AKAP10: variants seen among roughly 807,000 people sequenced by gnomAD.
AKAP10 encodes A-kinase anchoring protein 10.
A neutral mutation model predicts 80.8 loss-of-function variants in AKAP10; 24 were observed. The ratio of observed to expected loss-of-function variants is 0.30; its 90% CI spans 0.22 to 0.42. The LOEUF is 0.42. Ranked by LOEUF, AKAP10 falls within the 10% of genes least tolerant of loss-of-function variation. The pLI is 1.00. For missense variants in AKAP10, 661 were observed against 794.9 expected (o/e 0.83, Z 2.03); for synonymous variants, 291 against 277.7 (o/e 1.05, Z -0.48).
chr17:19,959,104 C>T (rs1567773461), intron 3 of AKAP10, among the ~76,000 whole-genome samples: 1 of 152,028 alleles, frequency 6.6e-6, no homozygotes, highest in South Asian at 2.1e-4. Context: ...CCACCCACCT[C>T]GGCCTCCCAA....
At chr17:19,935,445 T>C (rs968620947) in intron 9 of AKAP10, among the ~76,000 whole-genome samples, 14 of 152,190 alleles carry the variant, frequency 9.2e-5, no homozygotes, top group South Asian at 8.3e-4. Context: ...ACTAAATTTA[T>C]TTAAAATTTT....
chr17:19,912,248 C>T (rs1464250639), intron 12 of AKAP10, among the ~76,000 whole-genome samples: 1 of 152,170 alleles, frequency 6.6e-6, no homozygotes, highest in Non-Finnish European at 1.5e-5. Context: ...AACCCCGTCT[C>T]TACTAAAAAT....
rs184410409 is a variant in AKAP10 at position 19,914,730 on chromosome 17, C to T, written c.1835-4752G>A. Among the ~76,000 whole-genome samples the T allele has an allele frequency of 2.2e-3, 340 of 151,826 alleles. 1 individual carries two copies. Among genetic ancestry groups the T allele is most frequent in the African/African-American group, 7.5e-3 (310 of 41,420 alleles). On this transcript the variant is annotated intron_variant, in intron 12 of 14. Transcript: ENST00000225737. Reference sequence around the variant, plus strand: ...TTAGATCATCGGAGTTGGGAAGGTCCCTCTCTGAAGAGATAATATTGAGAT... The same window carrying T: ...TTAGATCATCGGAGTTGGGAAGGTCTCTCTCTGAAGAGATAATATTGAGAT...
intron 10 of AKAP10, among the ~76,000 whole-genome samples, chr17:19,926,251 C>A (rs888827866): frequency 6.9e-6 from 1 of 144,836 alleles, no homozygotes; most frequent in Non-Finnish European, 1.5e-5. Context: ...AAGAACATGA[C>A]AATATTCAAC....
intron 12 of AKAP10, 61 bp downstream of exon 12, chr17:19,919,975 A>G: frequency 1.4e-6 from 2 of 1,408,170 alleles, no homozygotes; most frequent in Non-Finnish European, 2.0e-6. Flanking sequence ...GTGGTCTTTG[A>G]CTTACAGTCA....
chr17:19,972,845 G>A (rs1343274276), intron 1 of AKAP10, among the ~76,000 whole-genome samples: 1 of 152,178 alleles, frequency 6.6e-6, no homozygotes, highest in Admixed American at 6.5e-5. Context: ...CCTATCCTGA[G>A]ATCAGGATTG....
intron 1 of AKAP10, among the ~76,000 whole-genome samples, 164 bp downstream of exon 1, chr17:19,977,428 A>G (rs1158126447): frequency 6.6e-6 from 1 of 152,220 alleles, no homozygotes; most frequent in African/African-American, 2.4e-5. Flanking sequence ...TCTCCCTCCC[A>G]GAAGAGTCCC....
rs141701781 is a variant in AKAP10 at position 19,935,941 on chromosome 17, AT to A, written c.1467+344del. ...ACAGAGATTTTTCAGCTCCATTATA[AT>A]TTTTTTTGTTTTGTTCTTGGTTATT... is the stretch of plus-strand genomic sequence containing the variant. On this transcript the variant is annotated intron_variant, in intron 9 of 14. Transcript: ENST00000225737. 502 of 167,354 alleles carry A rather than the reference AT, an allele frequency of 3.0e-3. 20 individuals are homozygous for A. The East Asian group carries it at 0.078, about 26-fold the overall frequency. The allele number at this position is 167,354 out of a possible 1,614,324, so 10.4% of individuals were successfully genotyped here. A position where few individuals can be genotyped will look rare whatever the true frequency, so the allele number is the denominator to read the frequency against.
intron 8 of AKAP10, among the ~76,000 whole-genome samples, chr17:19,937,930 T>A (rs1057450411): frequency 6.6e-6 from 1 of 150,798 alleles, no homozygotes; most frequent in African/African-American, 2.4e-5. Context: ...TGGTCACACC[T>A]CAAACCTGCA....
At chr17:19,948,184 T>C (rs2043156488) in intron 4 of AKAP10, among the ~76,000 whole-genome samples, 1 of 152,158 alleles carries the variant, frequency 6.6e-6, no homozygotes, top group African/African-American at 2.4e-5. Context: ...TCCCATGGAA[T>C]GCAACTCAAA....
At chr17:19,916,377 A>G (rs979395010) in intron 12 of AKAP10, among the ~76,000 whole-genome samples, 1 of 152,196 alleles carries the variant, frequency 6.6e-6, no homozygotes, top group African/African-American at 2.4e-5. Flanking sequence ...ATAGATGCAT[A>G]CAGTAGGCAC....
intron 12 of AKAP10, among the ~76,000 whole-genome samples, chr17:19,910,339 A>AAAAAAACAAAC (rs1425341451): frequency 1.3e-5 from 2 of 151,506 alleles, no homozygotes; most frequent in African/African-American, 4.9e-5. Flanking sequence ...AAAAAAAAAA[A>AAAAAAACAAAC]AAACCACTAT....
chr17:19,938,663 G>A (rs1444358169), intron 8 of AKAP10, among the ~76,000 whole-genome samples: 1 of 151,930 alleles, frequency 6.6e-6, no homozygotes, highest in Non-Finnish European at 1.5e-5. Flanking sequence ...AACATCTGTG[G>A]ACTTTTCTCT....
intron 10 of AKAP10, among the ~76,000 whole-genome samples, 172 bp downstream of exon 10, chr17:19,931,633 C>T (rs1211542186): frequency 2.0e-5 from 3 of 151,922 alleles, no homozygotes; most frequent in Non-Finnish European, 4.4e-5. Context: ...TCGTGTGATC[C>T]GCCCACCGCA....
chr17:19,965,840 G>A (rs766036081), intron 2 of AKAP10, among the ~76,000 whole-genome samples: 24 of 151,384 alleles, frequency 1.6e-4, no homozygotes, highest in African/African-American at 2.7e-4. Flanking sequence ...GGCACTATAC[G>A]AGTTTCTCTA....
rs1238154732 is a variant in AKAP10 at position 19,958,668 on chromosome 17, C to T, written c.320-97G>A. On this transcript the variant is annotated intron_variant, in intron 3 of 14. Transcript: ENST00000225737. ...TTTTAGCAACAACTGGTACCAGAGA[C>T]CTTGAATAAAGTTTACTTCCTAGCA... is the stretch of plus-strand genomic sequence containing the variant. 5.8e-6 allele frequency: 6 copies of T among 1,027,130 alleles called. No homozygotes were observed. The East Asian group carries it at 1.3e-4, about 22-fold the overall frequency. 63.6% of individuals were successfully genotyped at this position (1,027,130 alleles called of 1,614,324 possible). A position where few individuals can be genotyped will look rare whatever the true frequency, so the allele number is the denominator to read the frequency against.
intron 5 of AKAP10, among the ~76,000 whole-genome samples, chr17:19,943,332 A>C (rs1211111716): frequency 1.3e-5 from 2 of 152,180 alleles, no homozygotes; most frequent in Non-Finnish European, 2.9e-5. Context: ...GCAGAATTAC[A>C]CGTTTGGGAC....
At chr17:19,950,390 G>C (rs1464042836) in intron 4 of AKAP10, among the ~76,000 whole-genome samples, 1 of 152,162 alleles carries the variant, frequency 6.6e-6, no homozygotes, top group Non-Finnish European at 1.5e-5. Flanking sequence ...CCGCCATCTC[G>C]GCTCACTGCA....
At chr17:19,944,339 A>C (rs1360306276) in intron 5 of AKAP10, among the ~76,000 whole-genome samples, 1 of 152,100 alleles carries the variant, frequency 6.6e-6, no homozygotes, top group African/African-American at 2.4e-5. Flanking sequence ...CTGCATGTTT[A>C]TATATATACC....
Sources: gnomAD v4.1 joint callset for allele counts (sites outside exome capture counted in the v4.1 genomes callset) on GRCh38, gnomAD v4.1.1 for gene constraint, MANE v1.5 for transcripts, NCBI Gene and HGNC (gene_info 2026-07-23, HGNC 2026-07-21) for gene names.